MYLK4: variants seen among roughly 807,000 people sequenced by gnomAD.
The protein encoded by MYLK4 is myosin light chain kinase family member 4.
MYLK4 carries 46 observed loss-of-function variants against 48.1 expected under a neutral mutation model. That is an observed-to-expected ratio of 0.96 (90% confidence interval 0.75 to 1.22). The LOEUF (loss-of-function observed/expected upper bound fraction) is 1.22. Ranked by LOEUF, MYLK4 falls within the 50% of genes most tolerant of loss-of-function variation. MYLK4 has a pLI of 0.00. For missense variants in MYLK4, 451 were observed against 486.1 expected, an observed-to-expected ratio of 0.93 and a Z score of 0.68; for synonymous variants, 170 against 180.8, an observed-to-expected ratio of 0.94 and a Z score of 0.48.
At chr6:2,738,927 T>G (rs1393112007) in intron 2 of MYLK4, among the ~76,000 whole-genome samples, 1 of 152,216 alleles carries the variant, frequency 6.6e-6, no homozygotes, top group Non-Finnish European at 1.5e-5. Context: ...GATAATGATA[T>G]GTTAATGTAA....
chr6:2,688,978 A>G, intron 3 of MYLK4, 22 bp from the exon 4 acceptor site: 1 of 1,602,192 alleles, frequency 6.2e-7, no homozygotes, highest in South Asian at 1.1e-5. Flanking sequence ...GAGAAACAGA[A>G]GGGCAATCTG....
intron 2 of MYLK4, among the ~76,000 whole-genome samples, chr6:2,728,033 T>C (rs1763343581): frequency 6.6e-6 from 1 of 152,086 alleles, no homozygotes; most frequent in Admixed American, 6.5e-5. Flanking sequence ...CACCTCAACC[T>C]TGTATGGGCT....
intron 2 of MYLK4, among the ~76,000 whole-genome samples, chr6:2,708,545 G>C (rs1193480827): frequency 6.6e-6 from 1 of 152,166 alleles, no homozygotes; most frequent in African/African-American, 2.4e-5. Context: ...GACTTAAACT[G>C]TTAGTCTCAG....
intron 8 of MYLK4, among the ~76,000 whole-genome samples, chr6:2,679,856 A>G (rs1379628987): frequency 6.6e-6 from 1 of 152,212 alleles, no homozygotes; most frequent in Non-Finnish European, 1.5e-5. Flanking sequence ...AGAATCTTTT[A>G]TGTGCCAGAA....
chr6:2,747,066 A>G (rs1347592127), intron 2 of MYLK4, among the ~76,000 whole-genome samples: 5 of 152,228 alleles, frequency 3.3e-5, no homozygotes, highest in Non-Finnish European at 5.9e-5. Context: ...CAAGTAAGAA[A>G]TTGAATGGGA....
At chr6:2,720,098 A>AT (rs1028388450) in intron 2 of MYLK4, among the ~76,000 whole-genome samples, 9 of 151,786 alleles carry the variant, frequency 5.9e-5, no homozygotes, top group Admixed American at 4.6e-4. Flanking sequence ...CTGTCCTAAC[A>AT]TTTTTTTTAA....
intron 2 of MYLK4, among the ~76,000 whole-genome samples, chr6:2,709,168 C>G (rs993607483): frequency 4.6e-5 from 7 of 152,134 alleles, no homozygotes; most frequent in Non-Finnish European, 1.5e-5. Context: ...ACTCATGAGC[C>G]CTTTCTATTC....
Position 2,747,391 on chromosome 6 carries a change from G to A in MYLK4, c.159+1745C>T, listed in dbSNP as rs537960589. Among the ~76,000 whole-genome samples the A allele has an allele frequency of 3.9e-5, 6 of 151,950 alleles. No homozygotes were observed. The South Asian group carries it at 1.0e-3, about 26-fold the overall frequency. ...AACAGGGTCTTCCTCTGTTGCCCAC[G>A]CTGGAGTGCAGTGGTGTGATCATAG... On this transcript the variant is annotated intron_variant, in intron 2 of 12. Transcript: ENST00000274643.
At chr6:2,682,894 A>G (rs1761364854) in intron 7 of MYLK4, 127 bp downstream of exon 7, 1 of 1,020,682 alleles carries the variant, frequency 9.8e-7, no homozygotes. Flanking sequence ...GAGGGTAACA[A>G]TTCAGATGTT....
In MYLK4 at chr6:2,667,651, T is replaced by A. The variant is rs149933252; in HGVS notation, c.*274A>T. The A allele has an allele frequency of 5.9e-5, 9 of 152,582 alleles. No homozygotes were observed. In the East Asian group the frequency reaches 1.7e-3, roughly 29 times the overall value. 9.5% of individuals were successfully genotyped at this position (152,582 alleles called of 1,614,324 possible). ...AAAATTTTTTTAAAAAAGTAAAAAA[T>A]CTCAAGATGGCAGGGAAACATCTTC... On this transcript the variant is annotated 3_prime_UTR_variant, in exon 13 of 13. Coordinates refer to ENST00000274643, the MANE Select transcript of MYLK4 (RefSeq NM_001012418.5).
At chr6:2,767,935 A>T in the MYLK4 span, among the ~76,000 whole-genome samples, 1 of 152,244 alleles carries the variant, frequency 6.6e-6, no homozygotes, top group Non-Finnish European at 1.5e-5. Flanking sequence ...AACTTTTAGA[A>T]AAGAAAGTAC....
intron 2 of MYLK4, among the ~76,000 whole-genome samples, chr6:2,747,836 T>C (rs1764152605): frequency 6.6e-6 from 1 of 152,336 alleles, no homozygotes; most frequent in Admixed American, 6.5e-5. Context: ...GAAAAAATTA[T>C]CCTGTTTGTA....
chr6:2,732,037 T>C (rs1763495431), intron 2 of MYLK4, among the ~76,000 whole-genome samples: 1 of 152,166 alleles, frequency 6.6e-6, no homozygotes, highest in African/African-American at 2.4e-5. Flanking sequence ...GACCTGGAAA[T>C]TGACCTGGAC....
At chr6:2,762,295 A>G in the MYLK4 span, among the ~76,000 whole-genome samples, 1 of 152,212 alleles carries the variant, frequency 6.6e-6, no homozygotes, top group Non-Finnish European at 1.5e-5. Context: ...ACGTAAAATT[A>G]GGTCTATATG....
At chr6:2,763,726 G>A in the MYLK4 span, among the ~76,000 whole-genome samples, 1 of 152,246 alleles carries the variant, frequency 6.6e-6, no homozygotes, top group African/African-American at 2.4e-5. Flanking sequence ...TAGTACAGCG[G>A]CAGGCTGAAG....
chr6:2,716,850 C>T (rs1762882522), intron 2 of MYLK4, among the ~76,000 whole-genome samples: 1 of 152,160 alleles, frequency 6.6e-6, no homozygotes, highest in African/African-American at 2.4e-5. Context: ...ATATGTAAAG[C>T]AGTTAGGATG....
At chr6:2,768,383 G>A in the MYLK4 span, among the ~76,000 whole-genome samples, 3 of 152,172 alleles carry the variant, frequency 2.0e-5, no homozygotes, top group South Asian at 2.1e-4. Context: ...CAAGACAGCC[G>A]TTCTTTACTG....
At chr6:2,724,066 C>T (rs530129510) in intron 2 of MYLK4, among the ~76,000 whole-genome samples, 32 of 151,960 alleles carry the variant, frequency 2.1e-4, no homozygotes, top group African/African-American at 5.1e-4. Flanking sequence ...TTAGTAGAGA[C>T]GGGGTTTCAC....
intron 4 of MYLK4, among the ~76,000 whole-genome samples, chr6:2,686,298 A>G (rs1761545764): frequency 6.6e-6 from 1 of 152,230 alleles, no homozygotes; most frequent in Non-Finnish European, 1.5e-5. Flanking sequence ...TTGCCAGCAT[A>G]TGAACAAGAG....
Sources: gnomAD v4.1 joint callset for allele counts (sites outside exome capture counted in the v4.1 genomes callset) on GRCh38, gnomAD v4.1.1 for gene constraint, MANE v1.5 for transcripts, NCBI Gene and HGNC (gene_info 2026-07-23, HGNC 2026-07-21) for gene names.